PLCB1: variants seen among roughly 807,000 people sequenced by gnomAD.
The protein encoded by PLCB1 is 1-phosphatidylinositol 4,5-bisphosphate phosphodiesterase beta-1.
A neutral mutation model predicts 161.8 loss-of-function variants in PLCB1; 46 were observed. The observed-to-expected ratio is 0.28, with a 90% CI of 0.22 to 0.36. PLCB1 has a LOEUF of 0.36. PLCB1 is among the 10% of genes least tolerant of loss of function. The pLI is 1.00. For synonymous variants in PLCB1, 517 were observed against 503.7 expected (o/e 1.03, Z -0.35); for missense variants, 1,016 against 1,472.5 (o/e 0.69, Z 5.07).
chr20:8,794,150 T>C (rs543737506), intron 31 of PLCB1, among the ~76,000 whole-genome samples: 5 of 152,328 alleles, frequency 3.3e-5, no homozygotes, highest in Admixed American at 2.6e-4. Flanking sequence ...TTTAAACACA[T>C]GTGCTCTACA....
At chr20:8,284,273 A>G (rs866190917) in intron 2 of PLCB1, among the ~76,000 whole-genome samples, 4 of 152,144 alleles carry the variant, frequency 2.6e-5, no homozygotes, top group South Asian at 2.1e-4. Context: ...AGATGCATAT[A>G]TGCTTCATAT....
intron 3 of PLCB1, among the ~76,000 whole-genome samples, chr20:8,386,346 A>G (rs545854474): frequency 1.3e-5 from 2 of 152,358 alleles, no homozygotes; most frequent in African/African-American, 4.8e-5. Context: ...GTTAGCTGGT[A>G]TAAAACAACA....
At chr20:8,613,854 T>C (rs1987971297) in intron 3 of PLCB1, among the ~76,000 whole-genome samples, 1 of 151,968 alleles carries the variant, frequency 6.6e-6, no homozygotes. Flanking sequence ...AGTGAAAATA[T>C]TGATAGAACC....
chr20:8,625,190 C>T (rs1988298072), intron 3 of PLCB1: 1 of 152,164 alleles, frequency 6.6e-6, no homozygotes, highest in African/African-American at 2.4e-5. Context: ...CATCTGTTTT[C>T]ATCAAATTCC....
rs746508940 is a variant in PLCB1, at chr20:8,685,088, T to C, written c.1009+10T>C. The C allele has an allele frequency of 1.6e-5, 26 of 1,612,146 alleles. No homozygotes were observed. Among genetic ancestry groups the C allele is most frequent in the Non-Finnish European group, 2.0e-5 (24 of 1,178,594 alleles). ...AACACCTACCTCACAGGTATGAATTTTCTAGTTCTTTGTTACTTTAGCCAG... is the reference window on the plus strand; with the variant it reads ...AACACCTACCTCACAGGTATGAATTCTCTAGTTCTTTGTTACTTTAGCCAG... On this transcript the variant is annotated intron_variant, in intron 10 of 31. Coordinates refer to ENST00000338037, the MANE Select transcript of PLCB1 (RefSeq NM_015192.4).
chr20:8,283,878 A>C (rs1223862107), intron 2 of PLCB1, among the ~76,000 whole-genome samples: 1 of 152,000 alleles, frequency 6.6e-6, no homozygotes, highest in Non-Finnish European at 1.5e-5. Flanking sequence ...ATCTGGTTTA[A>C]ATTTTCTCTA....
intron 3 of PLCB1, among the ~76,000 whole-genome samples, chr20:8,382,283 CT>C (rs71331303): frequency 8.8e-4 from 115 of 130,554 alleles, no homozygotes; most frequent in South Asian, 1.2e-3. Context: ...GTTTCTTTTT[CT>C]TTTTTTTTTT....
intron 31 of PLCB1, among the ~76,000 whole-genome samples, chr20:8,875,078 C>G (rs560874656): frequency 1.3e-5 from 2 of 151,782 alleles, no homozygotes; most frequent in South Asian, 2.1e-4. Context: ...TGTTAATGAG[C>G]TGCTTTCATC....
intron 3 of PLCB1, among the ~76,000 whole-genome samples, chr20:8,437,662 T>C (rs1019098586): frequency 6.6e-6 from 1 of 152,176 alleles, no homozygotes; most frequent in Non-Finnish European, 1.5e-5. Flanking sequence ...TTTGTACTTA[T>C]ATGAACATTT....
At chr20:8,629,859 TTC>T (rs1988489834) in intron 4 of PLCB1, among the ~76,000 whole-genome samples, 7 of 100,210 alleles carry the variant, frequency 7.0e-5, no homozygotes, top group African/African-American at 3.0e-4. Context: ...CTTTCTTTCT[TTC>T]TTTCTTTCTT....
intron 3 of PLCB1, among the ~76,000 whole-genome samples, chr20:8,375,197 GCTTA>G (rs1467748268): frequency 6.6e-6 from 1 of 152,152 alleles, no homozygotes; most frequent in Non-Finnish European, 1.5e-5. Context: ...TCTAAAAGGT[GCTTA>G]CTTTTTTTCT....
At chr20:8,820,741 T>C (rs1825435969) in intron 31 of PLCB1, among the ~76,000 whole-genome samples, 1 of 152,056 alleles carries the variant, frequency 6.6e-6, no homozygotes, top group Non-Finnish European at 1.5e-5. Flanking sequence ...CCACCTATAA[T>C]AGTAGAATAA....
chr20:8,214,624 TACTGA>T (rs76151308), intron 2 of PLCB1, among the ~76,000 whole-genome samples: 9,594 of 152,250 alleles, frequency 0.063, 413 homozygotes, highest in Non-Finnish European at 0.098. Flanking sequence ...ATTAAAAGGC[TACTGA>T]ACTATGCCTA....
At chr20:8,620,708 C>T (rs1221965002) in intron 3 of PLCB1, among the ~76,000 whole-genome samples, 1 of 140,802 alleles carries the variant, frequency 7.1e-6, no homozygotes, top group Non-Finnish European at 1.5e-5. Context: ...CACTGCACTC[C>T]AGCCTGGGTG....
At chr20:8,731,887 G>GA (rs1980268569) in intron 18 of PLCB1, among the ~76,000 whole-genome samples, 1 of 151,796 alleles carries the variant, frequency 6.6e-6, no homozygotes, top group South Asian at 2.1e-4. Flanking sequence ...TTTAATAAGA[G>GA]AAAATTTCAC....
At chr20:8,689,635 A>G (rs1409341867) in intron 10 of PLCB1, among the ~76,000 whole-genome samples, 2 of 152,170 alleles carry the variant, frequency 1.3e-5, no homozygotes, top group African/African-American at 4.8e-5. Flanking sequence ...AAAATTTTCA[A>G]TATTAATACA....
At chr20:8,679,769 C>G (rs1437785475) in intron 9 of PLCB1, among the ~76,000 whole-genome samples, 1 of 152,182 alleles carries the variant, frequency 6.6e-6, no homozygotes, top group African/African-American at 2.4e-5. Context: ...TTATTATTAA[C>G]AAAATATATA....
Position 8,196,917 on chromosome 20 carries a change from T to A in PLCB1, c.177+46546T>A, listed in dbSNP as rs1329647999. ...CCCACCTGTGAGTGAGAACATGCGGTGTTTGGTTTTTTGTCCTTGAGATAG... is the reference window on the plus strand; with the variant it reads ...CCCACCTGTGAGTGAGAACATGCGGAGTTTGGTTTTTTGTCCTTGAGATAG... On this transcript the variant is annotated intron_variant, in intron 2 of 31. Coordinates refer to ENST00000338037, the MANE Select transcript of PLCB1 (RefSeq NM_015192.4). 3.4e-5 allele frequency among the ~76,000 whole-genome samples: 5 copies of A among 147,604 alleles called. No homozygotes were observed. The East Asian group carries it at 1.0e-3, about 30-fold the overall frequency.
intron 2 of PLCB1, among the ~76,000 whole-genome samples, chr20:8,264,929 T>A (rs1981879565): frequency 6.6e-6 from 1 of 152,162 alleles, no homozygotes; most frequent in African/African-American, 2.4e-5. Flanking sequence ...TCTGCCAACA[T>A]GTATGGTTGG....
Sources: allele counts gnomAD v4.1 joint callset (sites outside exome capture counted in the v4.1 genomes callset), GRCh38; gene constraint gnomAD v4.1.1; transcripts MANE v1.5; gene names NCBI Gene and HGNC (gene_info 2026-07-23, HGNC 2026-07-21).